Variants in ROBO1 observed in about 807,000 individuals in gnomAD.
ROBO1 encodes the protein roundabout guidance receptor 1.
In ROBO1, 149 loss-of-function variants were observed where a neutral mutation model predicts 195.9. The observed-to-expected ratio is 0.76, with a 90% CI of 0.67 to 0.87. The LOEUF (loss-of-function observed/expected upper bound fraction) is 0.87. Ranked by LOEUF, ROBO1 falls within the 40% of genes least tolerant of loss-of-function variation. The pLI is 0.00. For missense variants in ROBO1, 1,933 were observed against 2,068.3 expected, an observed-to-expected ratio of 0.93 and a Z score of 1.27; for synonymous variants, 816 against 733.2, an observed-to-expected ratio of 1.11 and a Z score of -1.82.
chr3:79,201,933 T>C (rs1274044784), intron 2 of ROBO1, among the ~76,000 whole-genome samples: 1 of 150,458 alleles, frequency 6.6e-6, no homozygotes, highest in African/African-American at 2.4e-5. Context: ...GGCTCTTTTA[T>C]ATAATAATTG....
intron 1 of ROBO1, among the ~76,000 whole-genome samples, chr3:79,660,138 C>T (rs1017151180): frequency 3.3e-5 from 5 of 151,694 alleles, no homozygotes; most frequent in African/African-American, 9.7e-5. Context: ...CCTGGGATCC[C>T]GCATGATATT....
At chr3:79,638,555 C>G (rs1945564227) in intron 1 of ROBO1, among the ~76,000 whole-genome samples, 1 of 152,132 alleles carries the variant, frequency 6.6e-6, no homozygotes, top group South Asian at 2.1e-4. Context: ...GCTGGAATTA[C>G]AGACGTGAGC....
chr3:79,660,774 G>A (rs149640574), intron 1 of ROBO1, among the ~76,000 whole-genome samples: 88 of 152,178 alleles, frequency 5.8e-4, no homozygotes, highest in African/African-American at 1.7e-3. Flanking sequence ...AAATGGGCAC[G>A]TACAGCAACC....
chr3:79,241,168 T>C (rs1441754051), intron 2 of ROBO1, among the ~76,000 whole-genome samples: 1 of 152,164 alleles, frequency 6.6e-6, no homozygotes, highest in Non-Finnish European at 1.5e-5. Context: ...AATCACCCTC[T>C]AAGGACTGTA....
At chr3:79,565,757 T>G (rs1576034550) in intron 2 of ROBO1, among the ~76,000 whole-genome samples, 1 of 152,230 alleles carries the variant, frequency 6.6e-6, no homozygotes, top group Middle Eastern at 3.4e-3. Context: ...ATTATGAGGA[T>G]ACTTTTGAAT....
intron 2 of ROBO1, among the ~76,000 whole-genome samples, chr3:79,511,390 T>A (rs1286333774): frequency 2.6e-5 from 4 of 152,188 alleles, no homozygotes; most frequent in Admixed American, 2.6e-4. Flanking sequence ...TTTGGATGGA[T>A]ATATTAGTAA....
intron 4 of ROBO1, among the ~76,000 whole-genome samples, chr3:78,902,000 A>G (rs1042668274): frequency 4.6e-5 from 7 of 152,160 alleles, no homozygotes; most frequent in Non-Finnish European, 8.8e-5. Flanking sequence ...ATTTTCTTAC[A>G]GACCACATCC....
chr3:79,753,926 T>G (rs908319771), intron 1 of ROBO1, among the ~76,000 whole-genome samples: 13 of 152,160 alleles, frequency 8.5e-5, no homozygotes, highest in African/African-American at 3.1e-4. Context: ...GATCTAAACA[T>G]GATCAGATTA....
intron 2 of ROBO1, among the ~76,000 whole-genome samples, chr3:79,171,535 T>C (rs962340447): frequency 6.6e-6 from 1 of 152,028 alleles, no homozygotes; most frequent in African/African-American, 2.4e-5. Context: ...AAAATTGTGT[T>C]GCATCAGTAC....
At chr3:79,694,580 A>G (rs1428794417) in intron 1 of ROBO1, among the ~76,000 whole-genome samples, 3 of 151,808 alleles carry the variant, frequency 2.0e-5, no homozygotes, top group Non-Finnish European at 4.4e-5. Flanking sequence ...GAGAAAATAA[A>G]GGGGAGGTTA....
intron 1 of ROBO1, among the ~76,000 whole-genome samples, chr3:79,757,808 T>G (rs979222083): frequency 6.8e-6 from 1 of 147,946 alleles, no homozygotes; most frequent in African/African-American, 2.5e-5. Flanking sequence ...GAAGGAATTA[T>G]GACCACTGGC....
At chr3:79,515,225 C>T (rs187134824) in intron 2 of ROBO1, among the ~76,000 whole-genome samples, 6 of 152,300 alleles carry the variant, frequency 3.9e-5, no homozygotes, top group Non-Finnish European at 8.8e-5. Flanking sequence ...GAGCTTCCTG[C>T]ACTGTTGAAC....
chr3:79,166,195 T>C (rs2081059976), intron 2 of ROBO1, among the ~76,000 whole-genome samples: 1 of 152,216 alleles, frequency 6.6e-6, no homozygotes, highest in South Asian at 2.1e-4. Flanking sequence ...TAAGACTTGA[T>C]GAAGATCATA....
chr3:79,159,916 T>G (rs949164097), intron 2 of ROBO1, among the ~76,000 whole-genome samples: 4 of 152,034 alleles, frequency 2.6e-5, no homozygotes, highest in African/African-American at 9.7e-5. Flanking sequence ...AACTGCTTCT[T>G]GTTGTACTTG....
chr3:78,997,194 C>G (rs1261560645), intron 3 of ROBO1, among the ~76,000 whole-genome samples: 1 of 152,184 alleles, frequency 6.6e-6, no homozygotes, highest in Admixed American at 6.6e-5. Context: ...TCCACTCCAA[C>G]TTTGCCAAAA....
intron 3 of ROBO1, among the ~76,000 whole-genome samples, chr3:79,006,400 G>A (rs1386152067): frequency 2.0e-5 from 3 of 152,158 alleles, no homozygotes; most frequent in Non-Finnish European, 4.4e-5. Context: ...AGATACTGAT[G>A]TATTTAAAGT....
Position 78,617,615 on chromosome 3 carries a change from T to A in ROBO1, c.4282+20A>T. The A allele has an allele frequency of 6.4e-7, 1 of 1,570,316 alleles. No individual in the cohort carries two copies. The highest frequency in any genetic ancestry group is 8.6e-7 in the Non-Finnish European group (1 of 1,158,116). On this transcript the variant is annotated intron_variant, in intron 27 of 30. Coordinates refer to ENST00000464233, the MANE Select transcript of ROBO1 (RefSeq NM_002941.4). ...CATTGAGTTTTCTTTCCCAGCTTGG[T>A]GAAAAGTGTTAGGACTCACCAGCAG...
At chr3:79,502,316 G>A (rs140529607) in intron 2 of ROBO1, among the ~76,000 whole-genome samples, 5,823 of 152,228 alleles carry the variant, frequency 0.038, 398 homozygotes, top group African/African-American at 0.13. Flanking sequence ...CGCGAGTTCC[G>A]GGTGGGCGGG....
intron 4 of ROBO1, among the ~76,000 whole-genome samples, chr3:78,747,590 T>G (rs561677593): frequency 6.6e-6 from 1 of 152,274 alleles, no homozygotes; most frequent in African/African-American, 2.4e-5. Context: ...GTTGTTTTTT[T>G]GTGTATACTA....
Sources: allele counts gnomAD v4.1 joint callset (sites outside exome capture counted in the v4.1 genomes callset), GRCh38; gene constraint gnomAD v4.1.1; transcripts MANE v1.5; gene names NCBI Gene and HGNC (gene_info 2026-07-23, HGNC 2026-07-21).